Variants in NRXN2 observed in about 807,000 individuals in gnomAD.
The protein encoded by NRXN2 is neurexin 2, also known as neurexin-2-beta.
A neutral mutation model predicts 128.8 loss-of-function variants in NRXN2; 29 were observed. The ratio of observed to expected loss-of-function variants is 0.23; its 90% CI spans 0.17 to 0.31. NRXN2 has a LOEUF of 0.31. Among genes scored for constraint, NRXN2 ranks in the 10% least tolerant of loss-of-function variants. The probability of loss-of-function intolerance (pLI) is 1.00; values close to 1 mark genes in which losing one functional copy is unlikely to be tolerated. For synonymous variants in NRXN2, 1,098 were observed against 1,075.2 expected (o/e 1.02, Z -0.41); for missense variants, 1,881 against 2,452.6 (o/e 0.77, Z 4.92).
intron 1 of NRXN2, among the ~76,000 whole-genome samples, chr11:64,716,875 G>C (rs2057318599): frequency 6.6e-6 from 1 of 152,114 alleles, no homozygotes. Context: ...GGACACCTGG[G>C]TCCTTTCCAT....
At chr11:64,718,285 C>CCA (rs1369252998) in intron 1 of NRXN2, among the ~76,000 whole-genome samples, 1 of 152,112 alleles carries the variant, frequency 6.6e-6, no homozygotes, top group Non-Finnish European at 1.5e-5. Flanking sequence ...CTGTCAATGC[C>CCA]CACACACACA....
chr11:64,652,271 A>T, intron 12 of NRXN2, 117 bp from the exon 13 acceptor site: 2 of 1,327,422 alleles, frequency 1.5e-6, no homozygotes, highest in South Asian at 2.6e-5. Context: ...ACATGAACAC[A>T]TACATGACCA....
Position 64,652,254 on chromosome 11 carries a change from A to T in NRXN2, c.2417-100T>A, listed in dbSNP as rs995028845. On this transcript the variant is annotated intron_variant, in intron 12 of 22. Transcript: ENST00000265459. ...ACAGACAGCCTCCCCATCCCCGCAC[A>T]TGCCACACATGAACACATACATGAC... 6 of 1,439,894 alleles carry T rather than the reference A, an allele frequency of 4.2e-6. No homozygotes were observed. The African/African-American group carries it at 8.5e-5, about 20-fold the overall frequency. The allele number at this position is 1,439,894 out of a possible 1,614,324, so 89.2% of individuals were successfully genotyped here. A position where few individuals can be genotyped will look rare whatever the true frequency, so the allele number is the denominator to read the frequency against.
In NRXN2 at chr11:64,651,899, TGAA is replaced by T. The variant is rs2047508446; in HGVS notation, c.2536+133_2536+135del. On this transcript the variant is annotated intron_variant, in intron 13 of 22. Transcript: ENST00000265459. The surrounding 1 kb of genome is among the most constrained non-coding windows in gnomAD (Gnocchi z 5.9). ...CCAGATGCCCATAACATTCCACCCC[TGAA>T]GGAGAAATGGCAGAGGCAGCTTGCC... The T allele has an allele frequency of 1.4e-6, 2 of 1,382,328 alleles. No homozygotes were observed. The highest frequency in any genetic ancestry group is 1.0e-6 in the Non-Finnish European group (1 of 986,060). The allele number at this position is 1,382,328 out of a possible 1,614,324, so 85.6% of individuals were successfully genotyped here.
intron 22 of NRXN2, among the ~76,000 whole-genome samples, chr11:64,619,191 G>T (rs777262013): frequency 1.3e-5 from 2 of 151,916 alleles, no homozygotes; most frequent in African/African-American, 4.8e-5. Context: ...AACAACCCAG[G>T]TGCCACCCAT....
chr11:64,645,805 G>A (rs1296315840), intron 17 of NRXN2, among the ~76,000 whole-genome samples: 1 of 151,996 alleles, frequency 6.6e-6, no homozygotes, highest in African/African-American at 2.4e-5. Context: ...CCAACCCCCA[G>A]CCCCACCCTT....
intron 22 of NRXN2, among the ~76,000 whole-genome samples, chr11:64,612,082 G>A (rs891661328): frequency 6.6e-6 from 1 of 152,110 alleles, no homozygotes; most frequent in Non-Finnish European, 1.5e-5. Flanking sequence ...CACTCAACCC[G>A]GCCTAGGCTC....
chr11:64,667,505 C>A lies in NRXN2; in HGVS notation c.1543G>T (p.Gly515Cys). Residue 515 changes from glycine to cysteine, a missense_variant, in exon 9 of 23, where the codon GGC (glycine) becomes TGC (cysteine). Gly to Cys is a radical substitution (Grantham distance 159). Around this residue, in one of 7 missense-constraint regions of NRXN2, gnomAD observed 997 missense variants for 1,240.8 expected, o/e 0.80. Coordinates refer to ENST00000265459, the MANE Select transcript of NRXN2 (RefSeq NM_015080.4). The surrounding 1 kb of genome is among the most constrained non-coding windows in gnomAD (Gnocchi z 5.6). ...GTGCGGAAGTCTAGGGAGATGGAGC[C>A]AGTGCGCTTAGCGCTCCAGCGGGGC... The part of the protein sequence containing the change: ...ALPRWSAKRT[G>C]SISLDFRTTE... 1 of 1,614,078 alleles carries A rather than the reference C, an allele frequency of 6.2e-7. No individual in the cohort carries two copies. The highest frequency in any genetic ancestry group is 8.5e-7 in the Non-Finnish European group (1 of 1,180,000).
At chr11:64,634,414 C>A (rs1179287754) in intron 18 of NRXN2, among the ~76,000 whole-genome samples, 1 of 151,862 alleles carries the variant, frequency 6.6e-6, no homozygotes, top group Non-Finnish European at 1.5e-5. Flanking sequence ...TAGGGCAGAG[C>A]CAGAGATGGG....
At chr11:64,646,570 T>C (rs1235011009) in intron 17 of NRXN2, 2 of 146,018 alleles carry the variant, frequency 1.4e-5, no homozygotes, top group Non-Finnish European at 3.0e-5. Context: ...CGACACTCTA[T>C]GACTTGGGGT....
rs540878022 is a variant in NRXN2, at chr11:64,657,125, G to C, written c.2389+3207C>G. On this transcript the variant is annotated intron_variant, in intron 11 of 22. Coordinates refer to ENST00000265459, the MANE Select transcript of NRXN2 (RefSeq NM_015080.4). ...GAGGCCAGAGACCAAGCCTCACCAG[G>C]CTTCTCTCTCTTCCCCAGTAGTGAG... 1.5e-4 allele frequency among the ~76,000 whole-genome samples: 23 copies of C among 152,276 alleles called. No homozygotes were observed. The East Asian group carries it at 4.4e-3, about 29-fold the overall frequency.
rs746232928 is a variant in NRXN2 at position 64,653,680 on chromosome 11, G to A, written c.2416+16C>T. 11 of 1,594,162 alleles carry A rather than the reference G, an allele frequency of 6.9e-6. No individual in the cohort carries two copies. The East Asian group carries it at 2.0e-4, about 29-fold the overall frequency. ...GTCCCCTTGGGTCTCTGCAGAAGAAGAGGGAAGCCACTTACTGGGTGCGCA... is the reference window on the plus strand; with the variant it reads ...GTCCCCTTGGGTCTCTGCAGAAGAAAAGGGAAGCCACTTACTGGGTGCGCA... On this transcript the variant is annotated intron_variant, in intron 12 of 22. Coordinates refer to ENST00000265459, the MANE Select transcript of NRXN2 (RefSeq NM_015080.4).
At chr11:64,653,557 C>A in intron 12 of NRXN2, 139 bp downstream of exon 12, 1 of 845,026 alleles carries the variant, frequency 1.2e-6, no homozygotes, top group Non-Finnish European at 2.0e-6. Context: ...CTGCCTGCAC[C>A]CCTCCCCACA....
At chr11:64,654,910 A>G (rs1421225324) in intron 11 of NRXN2, among the ~76,000 whole-genome samples, 1 of 152,112 alleles carries the variant, frequency 6.6e-6, no homozygotes, top group Non-Finnish European at 1.5e-5. Flanking sequence ...GCTTCCCTCC[A>G]TGTGAGCTGA....
intron 22 of NRXN2, among the ~76,000 whole-genome samples, chr11:64,615,252 A>G (rs1048628447): frequency 6.6e-6 from 1 of 152,260 alleles, no homozygotes. Flanking sequence ...TGCAGCCACA[A>G]GATGGAGAGG....
intron 2 of NRXN2, among the ~76,000 whole-genome samples, chr11:64,699,720 TC>T (rs2055065972): frequency 6.6e-6 from 1 of 152,152 alleles, no homozygotes; most frequent in African/African-American, 2.4e-5. Context: ...GCAATAGTTT[TC>T]TTAAGTAAAC....
intron 3 of NRXN2, 22 bp from the exon 4 acceptor site, chr11:64,692,898 A>G: frequency 6.4e-7 from 1 of 1,570,022 alleles, no homozygotes; most frequent in Non-Finnish European, 8.8e-7. Flanking sequence ...GAAGGAGAGA[A>G]AGAAAGAAAG....
Position 64,660,701 on chromosome 11 carries a change from G to A in NRXN2, c.2185+52C>T. 1 of 1,603,544 alleles carries A rather than the reference G, an allele frequency of 6.2e-7. No homozygotes were observed. The highest frequency in any genetic ancestry group is 8.5e-7 in the Non-Finnish European group (1 of 1,179,090). ...GGAAAGTAGGAGTCACCCTGAGAAGGAGGAGCACAGGGATAGGGAGCAGGG... is the reference window on the plus strand; with the variant it reads ...GGAAAGTAGGAGTCACCCTGAGAAGAAGGAGCACAGGGATAGGGAGCAGGG... On this transcript the variant is annotated intron_variant, in intron 10 of 22. Transcript: ENST00000265459. The surrounding 1 kb of genome is among the most constrained non-coding windows in gnomAD (Gnocchi z 5.2).
At chr11:64,717,477 G>A (rs1211341058) in intron 1 of NRXN2, among the ~76,000 whole-genome samples, 2 of 152,198 alleles carry the variant, frequency 1.3e-5, no homozygotes, top group African/African-American at 2.4e-5. Context: ...TTGGGCCAGT[G>A]GTGCCCAGAG....
Sources: gnomAD v4.1 joint callset for allele counts (sites outside exome capture counted in the v4.1 genomes callset) on GRCh38, gnomAD v4.1.1 for gene constraint, gnomAD v4.1.1 regional missense constraint, Gnocchi (gnomAD v3.1) non-coding constraint, MANE v1.5 for transcripts, NCBI Gene and HGNC (gene_info 2026-07-23, HGNC 2026-07-21) for gene names.